Variants in PCDHGA4 observed in about 807,000 individuals in gnomAD.
The protein encoded by PCDHGA4 is protocadherin gamma-A4.
A neutral mutation model predicts 54.6 loss-of-function variants in PCDHGA4; 38 were observed. The ratio of observed to expected loss-of-function variants is 0.70; its 90% CI spans 0.54 to 0.91. The LOEUF (loss-of-function observed/expected upper bound fraction) is 0.91. Ranked by LOEUF, PCDHGA4 falls within the 40% of genes least tolerant of loss-of-function variation. PCDHGA4 has a pLI of 0.00. For missense variants in PCDHGA4, 1,298 were observed against 1,220.9 expected (o/e 1.06, Z -0.94); for synonymous variants, 511 against 512.9 (o/e 1.00, Z 0.05).
intron 1 of PCDHGA4, chr5:141,370,588 A>G (rs766682273): frequency 6.2e-7 from 1 of 1,613,944 alleles, no homozygotes; most frequent in Admixed American, 1.7e-5. Context: ...CCTACTAGGA[A>G]CCTGCGGGTT....
At chr5:141,358,484 A>G (rs1299917904) in intron 1 of PCDHGA4, among the ~76,000 whole-genome samples, 2 of 152,206 alleles carry the variant, frequency 1.3e-5, no homozygotes, top group African/African-American at 4.8e-5. Context: ...TAACTTTTAG[A>G]TATAACTTTA....
intron 1 of PCDHGA4, chr5:141,374,319 C>A: frequency 6.2e-7 from 1 of 1,613,942 alleles, no homozygotes; most frequent in Non-Finnish European, 8.5e-7. Flanking sequence ...TCTCTGAATC[C>A]GCGAAACGGC....
chr5:141,393,937 A>G lies in PCDHGA4; in HGVS notation c.2514+36316A>G, dbSNP rs751838967. 26 of 1,613,788 alleles carry G rather than the reference A, an allele frequency of 1.6e-5. 2 individuals are homozygous for G. In the South Asian group the frequency reaches 2.9e-4, roughly 18 times the overall value. On this transcript the variant is annotated intron_variant, in intron 1 of 3. Coordinates refer to ENST00000571252, the MANE Select transcript of PCDHGA4 (RefSeq NM_018917.4). ...GCCTTCTTGAGTGTGCATGACCAAG[A>G]CTCTGGAAAGAATGGTCAAGTTGTC...
chr5:141,441,623 C>T (rs530409184), intron 1 of PCDHGA4: 2 of 224,422 alleles, frequency 8.9e-6, no homozygotes, highest in Non-Finnish European at 1.8e-5. Flanking sequence ...TGGCCAGTGA[C>T]CTGGAGCCAC....
At chr5:141,379,744 G>A (rs1333166422) in intron 1 of PCDHGA4, 1 of 152,052 alleles carries the variant, frequency 6.6e-6, no homozygotes, top group African/African-American at 2.4e-5. Flanking sequence ...GCTAAATGAG[G>A]TTCTTTAATC....
chr5:141,372,230 C>T lies in PCDHGA4; in HGVS notation c.2514+14609C>T, dbSNP rs781407090. ...TGTCCTACCACATTGTGCAGGCCAG[C>T]GAGCCCGGGCTGTTCAGCCTGGGCC... On this transcript the variant is annotated intron_variant, in intron 1 of 3. Coordinates refer to ENST00000571252, the MANE Select transcript of PCDHGA4 (RefSeq NM_018917.4). The T allele has an allele frequency of 6.2e-6, 10 of 1,613,346 alleles. No individual in the cohort carries two copies. In the East Asian group the frequency reaches 2.2e-4, roughly 36 times the overall value.
chr5:141,489,999 G>C lies in PCDHGA4; in HGVS notation c.2515-4808G>C, dbSNP rs772783990. Reference sequence around the variant, plus strand: ...CAGTTCTACGTGTGGGAATCCCAGAGAATGCACCCATTGGTACTCTGCTGC... The same window carrying C: ...CAGTTCTACGTGTGGGAATCCCAGACAATGCACCCATTGGTACTCTGCTGC... On this transcript the variant is annotated intron_variant, in intron 1 of 3. Coordinates refer to ENST00000571252, the MANE Select transcript of PCDHGA4 (RefSeq NM_018917.4). This position sits in a 1 kb window ranked among gnomAD's most constrained non-coding sequence, Gnocchi z 4.5. 6.2e-7 allele frequency: 1 copy of C among 1,614,242 alleles called. No individual in the cohort carries two copies. Among genetic ancestry groups the C allele is most frequent in the East Asian group, 2.2e-5 (1 of 44,886 alleles).
chr5:141,443,243 C>T (rs755331096), intron 1 of PCDHGA4, among the ~76,000 whole-genome samples: 9 of 151,618 alleles, frequency 5.9e-5, no homozygotes, highest in Non-Finnish European at 1.0e-4. Flanking sequence ...CACTTTGGGG[C>T]GCCAAGGCGG....
At chr5:141,434,883 C>T (rs1490696834) in intron 1 of PCDHGA4, among the ~76,000 whole-genome samples, 1 of 151,644 alleles carries the variant, frequency 6.6e-6, no homozygotes, top group Non-Finnish European at 1.5e-5. Context: ...ATACCAACAA[C>T]AATCCAGTCC....
intron 1 of PCDHGA4, chr5:141,420,214 C>T: frequency 6.2e-7 from 1 of 1,611,064 alleles, no homozygotes; most frequent in Non-Finnish European, 8.5e-7. Context: ...ACAAAGATAG[C>T]ATGCTACTGG....
At position 141,487,934 on chromosome 5, in the gene PCDHGA4, C is replaced by G; in HGVS notation, c.2515-6873C>G. 4.9e-6 allele frequency: 3 copies of G among 607,674 alleles called. No individual in the cohort carries two copies. Among genetic ancestry groups the G allele is most frequent in the Non-Finnish European group, 5.8e-6 (2 of 347,576 alleles). The allele number at this position is 607,674 out of a possible 1,614,324, so 37.6% of individuals were successfully genotyped here. A position where few individuals can be genotyped will look rare whatever the true frequency, so the allele number is the denominator to read the frequency against. On this transcript the variant is annotated intron_variant, in intron 1 of 3. Transcript: ENST00000571252. The surrounding 1 kb of genome is among the most constrained non-coding windows in gnomAD (Gnocchi z 5.0). ...ACAGGAGGCTACAGTGCACAGGGTA[C>G]AGTGCACCAGGCAGTCACTTGGACA... is the stretch of plus-strand genomic sequence containing the variant.
In PCDHGA4 at chr5:141,485,275, G is replaced by C. The variant is rs77402299; in HGVS notation, c.2515-9532G>C. ...ACGTTTGTGGGCAGATCCGCTACCC[G>C]GTCCCAGAGGAGTCACAGGAAGGGA... On this transcript the variant is annotated intron_variant, in intron 1 of 3. Transcript: ENST00000571252. The surrounding 1 kb of genome is among the most constrained non-coding windows in gnomAD (Gnocchi z 5.7). The C allele has an allele frequency of 2.5e-6, 4 of 1,614,072 alleles. No individual in the cohort carries two copies. Among genetic ancestry groups the C allele is most frequent in the Admixed American group, 1.7e-5 (1 of 60,024 alleles).
chr5:141,440,990 C>T (rs1195325115), intron 1 of PCDHGA4: 2 of 152,172 alleles, frequency 1.3e-5, no homozygotes, highest in African/African-American at 4.8e-5. Flanking sequence ...CCAGAGTACC[C>T]ATATCTAGTT....
Position 141,372,073 on chromosome 5 carries a change from C to G in PCDHGA4, c.2514+14452C>G, listed in dbSNP as rs774208540. ...GTGGACGACCGCAACGACAATGCACCGCTGGTGCTGTACCCAGCTCTGGGG... is the reference window on the plus strand; with the variant it reads ...GTGGACGACCGCAACGACAATGCACGGCTGGTGCTGTACCCAGCTCTGGGG... On this transcript the variant is annotated intron_variant, in intron 1 of 3. Transcript: ENST00000571252. 4 of 1,613,648 alleles carry G rather than the reference C, an allele frequency of 2.5e-6. No individual in the cohort carries two copies. The South Asian group carries it at 4.4e-5, about 18-fold the overall frequency.
intron 1 of PCDHGA4, chr5:141,361,728 A>G (rs1318637710): frequency 5.0e-6 from 8 of 1,613,246 alleles, no homozygotes; most frequent in Non-Finnish European, 5.9e-6. Context: ...TCGAGCTCAC[A>G]CTGCAGGCCC....
chr5:141,383,238 A>G (rs1381388622), intron 1 of PCDHGA4: 1 of 1,613,848 alleles, frequency 6.2e-7, no homozygotes, highest in Non-Finnish European at 8.5e-7. Flanking sequence ...TGGAAGATAA[A>G]ATGAATCTTT....
chr5:141,431,447 G>C lies in PCDHGA4; in HGVS notation c.2515-63360G>C. ...GCGCACAGGCACCGCGCGCATCCGC[G>C]TGATGGTTCTGGATGCGAACGACAA... is the stretch of plus-strand genomic sequence containing the variant. On this transcript the variant is annotated intron_variant, in intron 1 of 3. Coordinates refer to ENST00000571252, the MANE Select transcript of PCDHGA4 (RefSeq NM_018917.4). The surrounding 1 kb of genome is among the most constrained non-coding windows in gnomAD (Gnocchi z 4.8). The C allele has an allele frequency of 6.2e-7, 1 of 1,613,792 alleles. No individual in the cohort carries two copies. Among genetic ancestry groups the C allele is most frequent in the Non-Finnish European group, 8.5e-7 (1 of 1,180,014 alleles).
At chr5:141,499,127 A>G (rs1198571084) in intron 2 of PCDHGA4, among the ~76,000 whole-genome samples, 1 of 152,134 alleles carries the variant, frequency 6.6e-6, no homozygotes, top group Non-Finnish European at 1.5e-5. Flanking sequence ...TTCTCAGGTC[A>G]TCCTTTGGGT....
intron 1 of PCDHGA4, chr5:141,420,313 C>T (rs751944742): frequency 1.6e-5 from 23 of 1,434,756 alleles, no homozygotes; most frequent in Non-Finnish European, 2.2e-5. Flanking sequence ...TTTTATATTA[C>T]AATATGCCAA....
Sources: gnomAD v4.1 joint callset for allele counts (sites outside exome capture counted in the v4.1 genomes callset) on GRCh38, gnomAD v4.1.1 for gene constraint, Gnocchi (gnomAD v3.1) non-coding constraint, MANE v1.5 for transcripts, NCBI Gene and HGNC (gene_info 2026-07-23, HGNC 2026-07-21) for gene names.